Variants in FKBP5 observed in about 807,000 individuals in gnomAD.
FKBP5 encodes the protein FKBP prolyl isomerase 5, also known as peptidyl-prolyl cis-trans isomerase FKBP5.
In FKBP5, 23 loss-of-function variants were observed where a neutral mutation model predicts 50.5. The ratio of observed to expected loss-of-function variants is 0.46; its 90% CI spans 0.33 to 0.65. The LOEUF (loss-of-function observed/expected upper bound fraction) is 0.65, where lower values mean the gene tolerates loss of function less well. FKBP5 is among the 30% of genes least tolerant of loss of function. The pLI is 0.02. For missense variants in FKBP5, 411 were observed against 553.1 expected (o/e 0.74, Z 2.58); for synonymous variants, 176 against 190.6 (o/e 0.92, Z 0.63).
At position 35,660,430 on chromosome 6, in the gene FKBP5, G is replaced by A. The variant is rs1435993037; in HGVS notation, c.-19-17587C>T. Among the ~76,000 whole-genome samples, 9 of 79,718 alleles carry A rather than the reference G, an allele frequency of 1.1e-4. 3 individuals are homozygous for A. Among genetic ancestry groups the A allele is most frequent in the African/African-American group, 3.5e-4 (9 of 25,580 alleles). The allele number at this position is 79,718 out of a possible 152,430, so 52.3% of individuals were successfully genotyped here. Reference sequence around the variant, plus strand: ...ATTATAGGCATGCACCACCACGCCCGGCTGATTTTGTATTTTTAGTAGAGA... The same window carrying A: ...ATTATAGGCATGCACCACCACGCCCAGCTGATTTTGTATTTTTAGTAGAGA... On this transcript the variant is annotated intron_variant, in intron 1 of 10. Transcript: ENST00000357266.
In FKBP5 at chr6:35,575,655, T is replaced by C; in HGVS notation, c.*180A>G. ...GGAGTGGTCCCGTGCCACCCCTCAGTGAACCCTCCGGGCAGCAGCAGGGGG... is the reference window on the plus strand; with the variant it reads ...GGAGTGGTCCCGTGCCACCCCTCAGCGAACCCTCCGGGCAGCAGCAGGGGG... On this transcript the variant is annotated 3_prime_UTR_variant, in exon 11 of 11. Coordinates refer to ENST00000357266, the MANE Select transcript of FKBP5 (RefSeq NM_004117.4). 1 of 594,146 alleles carries C rather than the reference T, an allele frequency of 1.7e-6. No individual in the cohort carries two copies. Among genetic ancestry groups the C allele is most frequent in the Non-Finnish European group, 3.0e-6 (1 of 331,514 alleles). 36.8% of individuals were successfully genotyped at this position (594,146 alleles called of 1,614,324 possible). A position where few individuals can be genotyped will look rare whatever the true frequency, so the allele number is the denominator to read the frequency against.
intron 2 of FKBP5, among the ~76,000 whole-genome samples, chr6:35,698,305 G>A (rs1170736357): frequency 6.6e-6 from 1 of 151,906 alleles, no homozygotes; most frequent in African/African-American, 2.4e-5. Context: ...TCGCACCACT[G>A]CACTCCAGCC....
chr6:35,589,089 T>TA (rs1762713642), intron 7 of FKBP5, among the ~76,000 whole-genome samples: 2 of 135,904 alleles, frequency 1.5e-5, no homozygotes, highest in African/African-American at 5.8e-5. Context: ...TATATATATA[T>TA]TTTTATATAT....
At chr6:35,588,571 G>T (rs1328968411) in intron 7 of FKBP5, among the ~76,000 whole-genome samples, 1 of 151,342 alleles carries the variant, frequency 6.6e-6, no homozygotes, top group Non-Finnish European at 1.5e-5. Flanking sequence ...TTGCTCTGTT[G>T]TCTTTTCTTT....
intron 2 of FKBP5, among the ~76,000 whole-genome samples, chr6:35,702,399 T>G (rs1213160513): frequency 1.3e-5 from 2 of 150,876 alleles, no homozygotes; most frequent in African/African-American, 2.4e-5. Context: ...GAAAAGATAG[T>G]CTTTTGACAA....
chr6:35,589,847 G>A (rs934286361), intron 7 of FKBP5, among the ~76,000 whole-genome samples: 2 of 152,224 alleles, frequency 1.3e-5, no homozygotes, highest in Non-Finnish European at 2.9e-5. Context: ...GGGGGAACAT[G>A]AAGTAGAAGA....
chr6:35,718,527 C>T (rs556510323), intron 2 of FKBP5, among the ~76,000 whole-genome samples: 45 of 152,268 alleles, frequency 3.0e-4, no homozygotes, highest in African/African-American at 1.1e-3. Flanking sequence ...CAGCAGCTAG[C>T]TGTGTGATTC....
chr6:35,718,311 G>A (rs1396306652), intron 2 of FKBP5, among the ~76,000 whole-genome samples: 1 of 152,208 alleles, frequency 6.6e-6, no homozygotes. Context: ...CATGTTCATG[G>A]AAGAAAGCTG....
intron 1 of FKBP5, among the ~76,000 whole-genome samples, chr6:35,653,694 A>T (rs1764874299): frequency 6.6e-6 from 1 of 152,190 alleles, no homozygotes; most frequent in Non-Finnish European, 1.5e-5. Flanking sequence ...TTAGATCCCA[A>T]AGATTCTTGG....
At chr6:35,576,426 C>A (rs1762216627) in intron 10 of FKBP5, among the ~76,000 whole-genome samples, 1 of 152,128 alleles carries the variant, frequency 6.6e-6, no homozygotes, top group Non-Finnish European at 1.5e-5. Flanking sequence ...AATCCCAGCA[C>A]TTTGGGAGAC....
In FKBP5 at chr6:35,576,098, T is replaced by G. The variant is rs551000475; in HGVS notation, c.1267-156A>C. On this transcript the variant is annotated intron_variant, in intron 10 of 10. Coordinates refer to ENST00000357266, the MANE Select transcript of FKBP5 (RefSeq NM_004117.4). ...TAGGTCAGGGCTGTGCTACCAATAGTTAGAGTGGGAGCTTCACCTTTCTTT... is the reference window on the plus strand; with the variant it reads ...TAGGTCAGGGCTGTGCTACCAATAGGTAGAGTGGGAGCTTCACCTTTCTTT... 2.6e-4 allele frequency among the ~76,000 whole-genome samples: 39 copies of G among 152,220 alleles called. 3 individuals are homozygous for G. The highest frequency in any genetic ancestry group is 9.1e-4 in the African/African-American group (38 of 41,544).
intron 7 of FKBP5, among the ~76,000 whole-genome samples, chr6:35,588,306 C>T (rs143472482): frequency 2.6e-5 from 4 of 152,114 alleles, no homozygotes; most frequent in South Asian, 2.1e-4. Flanking sequence ...TGAGCTACCG[C>T]GCCCAGTGAC....
chr6:35,643,272 C>A (rs76707447), intron 1 of FKBP5, among the ~76,000 whole-genome samples: 2 of 152,184 alleles, frequency 1.3e-5, no homozygotes, highest in African/African-American at 4.8e-5. Flanking sequence ...TAGAATCCAA[C>A]AGACCCAAGT....
chr6:35,589,492 C>G (rs892893920), intron 7 of FKBP5, among the ~76,000 whole-genome samples: 1 of 152,062 alleles, frequency 6.6e-6, no homozygotes, highest in Non-Finnish European at 1.5e-5. Flanking sequence ...ACATCATATA[C>G]CTTCATGTGA....
At position 35,642,845 on chromosome 6, in the gene FKBP5, T is replaced by C; in HGVS notation, c.-19-2A>G. On this transcript the variant is annotated splice_acceptor_variant, in intron 1 of 10. Transcript: ENST00000357266. LOFTEE classifies it low-confidence loss of function (5UTR_SPLICE). ...GTCATTGTCTTTTAAGTAGAGAACC[T>C]GGTAAGAAGAAAAATATTTTAGCTG... 2.5e-6 allele frequency: 4 copies of C among 1,592,368 alleles called. No individual in the cohort carries two copies. The highest frequency in any genetic ancestry group is 3.4e-6 in the Non-Finnish European group (4 of 1,165,650).
intron 3 of FKBP5, among the ~76,000 whole-genome samples, chr6:35,635,723 G>C (rs1407858380): frequency 6.6e-6 from 1 of 152,016 alleles, no homozygotes; most frequent in Non-Finnish European, 1.5e-5. Context: ...AAATTAGTGA[G>C]ACGAGTGTCA....
chr6:35,636,210 G>A (rs1480533351), intron 3 of FKBP5, among the ~76,000 whole-genome samples: 1 of 152,070 alleles, frequency 6.6e-6, no homozygotes, highest in African/African-American at 2.4e-5. Context: ...AAAAGTCTTC[G>A]GAAGCTGTCA....
At chr6:35,666,481 A>G (rs1192478856) in intron 1 of FKBP5, among the ~76,000 whole-genome samples, 1 of 150,440 alleles carries the variant, frequency 6.6e-6, no homozygotes, top group Non-Finnish European at 1.5e-5. Flanking sequence ...AAAATTATAT[A>G]ATTAAAAATA....
intron 7 of FKBP5, among the ~76,000 whole-genome samples, chr6:35,587,538 G>A (rs1376154365): frequency 6.6e-6 from 1 of 152,180 alleles, no homozygotes; most frequent in Non-Finnish European, 1.5e-5. Context: ...CTGTAGTCAA[G>A]TTGTAGTTTG....
Sources: gnomAD v4.1 joint callset for allele counts (sites outside exome capture counted in the v4.1 genomes callset) on GRCh38, gnomAD v4.1.1 for gene constraint, MANE v1.5 for transcripts, NCBI Gene and HGNC (gene_info 2026-07-23, HGNC 2026-07-21) for gene names.